Variants in GPR161 observed in about 807,000 individuals in gnomAD.
The protein encoded by GPR161 is G-protein coupled receptor RE2.
A neutral mutation model predicts 39.2 loss-of-function variants in GPR161; 25 were observed. The observed-to-expected ratio is 0.64, with a 90% CI of 0.47 to 0.89. GPR161 has a LOEUF of 0.89. Ranked by LOEUF, GPR161 falls within the 40% of genes least tolerant of loss-of-function variation. The pLI, the probability that GPR161 is intolerant of heterozygous loss-of-function variation, is 0.00. For missense variants in GPR161, 547 were observed against 677.8 expected, an observed-to-expected ratio of 0.81 and a Z score of 2.14; for synonymous variants, 286 against 276.6, an observed-to-expected ratio of 1.03 and a Z score of -0.34.
At chr1:168,092,281 C>A (rs1695141196) in intron 3 of GPR161, among the ~76,000 whole-genome samples, 1 of 152,184 alleles carries the variant, frequency 6.6e-6, no homozygotes, top group African/African-American at 2.4e-5. Flanking sequence ...GCATCTCCTG[C>A]CAGCTGGGAT....
rs1694071023 is a variant in GPR161 at position 168,081,469 on chromosome 1, A to T, written c.*4062T>A. ...TACTGTGAAGAAACACCAGTGGCTC[A>T]GCTTCAGCTGCACCCCAGGCATTGT... On this transcript the variant is annotated 3_prime_UTR_variant, in exon 6 of 6. Coordinates refer to ENST00000682931, the MANE Select transcript of GPR161 (RefSeq NM_001375883.1). 6.6e-6 allele frequency: 1 copy of T among 152,240 alleles called. No homozygotes were observed. Among genetic ancestry groups the T allele is most frequent in the African/African-American group, 2.4e-5 (1 of 41,464 alleles). The allele number at this position is 152,240 out of a possible 1,614,324, so 9.4% of individuals were successfully genotyped here.
intron 1 of GPR161, chr1:168,136,200 C>G: frequency 7.8e-7 from 1 of 1,277,238 alleles, no homozygotes; most frequent in Non-Finnish European, 9.9e-7. Context: ...CCACCCGCCG[C>G]CCGCCCAGGC....
At chr1:168,105,526 C>T (rs1206887511) in intron 1 of GPR161, among the ~76,000 whole-genome samples, 2 of 152,224 alleles carry the variant, frequency 1.3e-5, no homozygotes. Context: ...GTAAGATTCT[C>T]ATGGGAATTG....
intron 1 of GPR161, among the ~76,000 whole-genome samples, chr1:168,129,121 A>G (rs1698805205): frequency 1.3e-5 from 2 of 152,228 alleles, no homozygotes; most frequent in Admixed American, 1.3e-4. Context: ...TACTGTAAAG[A>G]AAGATCAAAC....
intron 1 of GPR161, among the ~76,000 whole-genome samples, chr1:168,120,323 G>T (rs1698062971): frequency 6.6e-6 from 1 of 152,116 alleles, no homozygotes; most frequent in African/African-American, 2.4e-5. Flanking sequence ...TGGGGTCTGT[G>T]GTCCCTTTGT....
At chr1:168,119,235 T>TACAC (rs368381033) in intron 1 of GPR161, among the ~76,000 whole-genome samples, 3 of 107,478 alleles carry the variant, frequency 2.8e-5, no homozygotes, top group South Asian at 2.4e-4. Flanking sequence ...TACGTATATA[T>TACAC]ATATATACAC....
At chr1:168,092,778 G>A (rs979160985) in intron 3 of GPR161, among the ~76,000 whole-genome samples, 5 of 152,150 alleles carry the variant, frequency 3.3e-5, no homozygotes, top group East Asian at 3.9e-4. Flanking sequence ...CACCCTCCCC[G>A]CCCTCAAGCT....
intron 5 of GPR161, 109 bp from the exon 6 acceptor site, chr1:168,085,905 G>A (rs373969345): frequency 1.1e-6 from 1 of 910,452 alleles, no homozygotes; most frequent in Non-Finnish European, 1.6e-6. Context: ...ACAAACCGCA[G>A]TTAAGGGCGT....
intron 1 of GPR161, among the ~76,000 whole-genome samples, chr1:168,116,590 C>A (rs1371126412): frequency 6.6e-6 from 1 of 152,186 alleles, no homozygotes; most frequent in Admixed American, 6.5e-5. Context: ...CGTTGAGAGG[C>A]AGAAAGAGAT....
intron 1 of GPR161, among the ~76,000 whole-genome samples, chr1:168,130,699 C>A (rs948543523): frequency 5.9e-5 from 9 of 152,152 alleles, no homozygotes; most frequent in African/African-American, 1.9e-4. Flanking sequence ...CCATGTATAG[C>A]CTAGAAACTC....
intron 1 of GPR161, among the ~76,000 whole-genome samples, chr1:168,135,498 A>G (rs554256338): frequency 6.6e-6 from 1 of 152,350 alleles, no homozygotes; most frequent in South Asian, 2.1e-4. Context: ...CTCTGTCTCT[A>G]TGACCTGAGG....
At chr1:168,091,514 A>G (rs1228385525) in intron 3 of GPR161, among the ~76,000 whole-genome samples, 4 of 152,214 alleles carry the variant, frequency 2.6e-5, no homozygotes, top group Non-Finnish European at 2.9e-5. Flanking sequence ...TGGCCCTGCC[A>G]GACCAACCCA....
intron 1 of GPR161, among the ~76,000 whole-genome samples, chr1:168,115,669 T>C (rs1159415229): frequency 6.6e-6 from 1 of 152,158 alleles, no homozygotes; most frequent in Non-Finnish European, 1.5e-5. Flanking sequence ...CCGGGGTTAC[T>C]GGCGGGGTGT....
intron 2 of GPR161, among the ~76,000 whole-genome samples, chr1:168,100,223 A>G (rs1695967641): frequency 6.7e-6 from 1 of 149,376 alleles, no homozygotes; most frequent in South Asian, 2.1e-4. Flanking sequence ...AAAAAAAAAA[A>G]AAAAAAAAAA....
intron 1 of GPR161, among the ~76,000 whole-genome samples, chr1:168,129,786 T>G (rs1447742164): frequency 6.6e-6 from 1 of 152,216 alleles, no homozygotes; most frequent in Non-Finnish European, 1.5e-5. Context: ...ATTTCCTGAC[T>G]GCCATCACTA....
chr1:168,120,762 A>T (rs1386895679), intron 1 of GPR161, among the ~76,000 whole-genome samples: 1 of 152,112 alleles, frequency 6.6e-6, no homozygotes, highest in East Asian at 1.9e-4. Flanking sequence ...TAAAAGTGGC[A>T]GTTTCCCCTA....
chr1:168,124,014 G>C (rs1476365587), intron 1 of GPR161, among the ~76,000 whole-genome samples: 5 of 152,220 alleles, frequency 3.3e-5, no homozygotes, highest in Admixed American at 2.0e-4. Flanking sequence ...AGTGAGAAGA[G>C]AGGAGCTGAG....
chr1:168,123,578 A>ACACACACT (rs1698367841), intron 1 of GPR161, among the ~76,000 whole-genome samples: 1 of 145,698 alleles, frequency 6.9e-6, no homozygotes, highest in African/African-American at 2.6e-5. Context: ...ACACACACAC[A>ACACACACT]CTTGTTTGCA....
rs778658862 is a variant in GPR161, at chr1:168,096,923, G to A, written c.684C>T (p.Val228=). 3 of 1,613,750 alleles carry A rather than the reference G, an allele frequency of 1.9e-6. No individual in the cohort carries two copies. The highest frequency in any genetic ancestry group is 1.3e-5 in the African/African-American group (1 of 74,926). The change falls in exon 3 of 6, where the codon GTC becomes GTT. Residue 228 remains valine (V), a synonymous_variant. Coordinates refer to ENST00000682931, the MANE Select transcript of GPR161 (RefSeq NM_001375883.1). ...TCCTCTGAGCATCCTCCTCCACGAT[G>A]ACGACTGTGCCACAGTGCACCTTGC... The part of the protein sequence containing the change: ...KARKVHCGTV[V]IVEEDAQRTG...
Sources: gnomAD v4.1 joint callset for allele counts (sites outside exome capture counted in the v4.1 genomes callset) on GRCh38, gnomAD v4.1.1 for gene constraint, MANE v1.5 for transcripts, NCBI Gene and HGNC (gene_info 2026-07-23, HGNC 2026-07-21) for gene names.